NPTN: variants seen among roughly 807,000 people sequenced by gnomAD.
NPTN encodes the protein neuroplastin, also known as SDR-1.
Under a neutral mutation model 42.7 loss-of-function variants are expected in NPTN, and 5 were observed. The observed-to-expected ratio is 0.12, with a 90% CI of 0.06 to 0.25. The LOEUF (loss-of-function observed/expected upper bound fraction) is 0.25, where lower values mean the gene tolerates loss of function less well. NPTN is among the 10% of genes least tolerant of loss of function. The pLI, the probability that NPTN is intolerant of heterozygous loss-of-function variation, is 1.00. For missense variants in NPTN, 307 were observed against 525.4 expected, an observed-to-expected ratio of 0.58 and a Z score of 4.06; for synonymous variants, 180 against 201.9, an observed-to-expected ratio of 0.89 and a Z score of 0.92.
rs1442319250 is a variant in NPTN at position 73,570,473 on chromosome 15, T to C, written c.841-50A>G. 9.0e-6 allele frequency: 14 copies of C among 1,555,170 alleles called. No individual in the cohort carries two copies. The highest frequency in any genetic ancestry group is 5.1e-5 in the Admixed American group (3 of 58,410). On this transcript the variant is annotated intron_variant, in intron 5 of 8. Coordinates refer to ENST00000345330, the MANE Select transcript of NPTN (RefSeq NM_012428.4). The surrounding 1 kb of genome is among the most constrained non-coding windows in gnomAD (Gnocchi z 4.0). ...AGGTGAGAGTGAGTAACTGAGCTAA[T>C]GTTCAAGAGAGGGTGACACTGCTCT...
At chr15:73,613,976 G>A (rs1487679365) in intron 1 of NPTN, among the ~76,000 whole-genome samples, 4 of 152,044 alleles carry the variant, frequency 2.6e-5, no homozygotes, top group Non-Finnish European at 2.9e-5. Context: ...GTGAGCCACC[G>A]TGCCTGGCCT....
At chr15:73,625,177 T>C (rs895886256) in intron 1 of NPTN, among the ~76,000 whole-genome samples, 3 of 152,208 alleles carry the variant, frequency 2.0e-5, no homozygotes, top group African/African-American at 7.2e-5. Context: ...GCCCATGAAT[T>C]GTGAATTCAA....
Position 73,576,396 on chromosome 15 carries a change from T to C in NPTN, c.707-2601A>G, listed in dbSNP as rs1472978006. 4.6e-5 allele frequency among the ~76,000 whole-genome samples: 7 copies of C among 152,302 alleles called. No individual in the cohort carries two copies. In the East Asian group the frequency reaches 9.6e-4, roughly 21 times the overall value. On this transcript the variant is annotated intron_variant, in intron 4 of 8. Transcript: ENST00000345330. ...CAGGCTGGAATGCAGTGGTGTGATC[T>C]TGGTTCACTGCAACCTCCACCTTCC... is the stretch of plus-strand genomic sequence containing the variant.
chr15:73,583,894 C>T (rs1195186448), intron 4 of NPTN, among the ~76,000 whole-genome samples: 1 of 152,170 alleles, frequency 6.6e-6, no homozygotes, highest in Non-Finnish European at 1.5e-5. Context: ...ATCTTCATCC[C>T]CACCACACTG....
chr15:73,613,601 G>A (rs1254458913), intron 1 of NPTN, among the ~76,000 whole-genome samples: 5 of 152,076 alleles, frequency 3.3e-5, no homozygotes, highest in African/African-American at 1.2e-4. Context: ...GTGTCAGCTA[G>A]CAATGATGCT....
In NPTN at chr15:73,569,279, TC is replaced by T; in HGVS notation, c.1114+870del. On this transcript the variant is annotated intron_variant, in intron 6 of 8. Coordinates refer to ENST00000345330, the MANE Select transcript of NPTN (RefSeq NM_012428.4). The surrounding 1 kb of genome is among the most constrained non-coding windows in gnomAD (Gnocchi z 4.1). ...CAGATACAAGTCTCCATCAGCAGCT[TC>T]CCCCTTCACAGGAAAAATCGATCAC... is the stretch of plus-strand genomic sequence containing the variant. The T allele has an allele frequency of 1.0e-6, 1 of 985,490 alleles. No individual in the cohort carries two copies. The highest frequency in any genetic ancestry group is 1.2e-6 in the Non-Finnish European group (1 of 830,000). The allele number at this position is 985,490 out of a possible 1,614,324, so 61.0% of individuals were successfully genotyped here. A position where few individuals can be genotyped will look rare whatever the true frequency, so the allele number is the denominator to read the frequency against.
chr15:73,577,914 G>A (rs1895780768), intron 4 of NPTN, among the ~76,000 whole-genome samples: 1 of 152,114 alleles, frequency 6.6e-6, no homozygotes, highest in South Asian at 2.1e-4. Context: ...TCTGCTCCCT[G>A]AATGCTAGGG....
chr15:73,594,222 G>C (rs1232878209), intron 2 of NPTN, among the ~76,000 whole-genome samples: 1 of 152,190 alleles, frequency 6.6e-6, no homozygotes, highest in African/African-American at 2.4e-5. Context: ...ACTGCACTGA[G>C]AAAGGGTAAA....
chr15:73,592,512 A>G (rs753313079), intron 2 of NPTN, among the ~76,000 whole-genome samples: 1 of 152,200 alleles, frequency 6.6e-6, no homozygotes, highest in Non-Finnish European at 1.5e-5. Flanking sequence ...GACAAAGGCC[A>G]TATCATTTAT....
intron 1 of NPTN, among the ~76,000 whole-genome samples, chr15:73,611,398 CAAAACAAAACAAAACA>C (rs920640093): frequency 6.6e-6 from 1 of 151,640 alleles, no homozygotes; most frequent in African/African-American, 2.4e-5. Flanking sequence ...AATGCAAAAA[CAAAACAAAACAAAACA>C]AAAACAAAAC....
Position 73,632,363 on chromosome 15 carries a change from T to G in NPTN, c.91+762A>C, listed in dbSNP as rs546242452. ...CCATCCTCTGCTCATTTTCCTCTCC[T>G]TATTTAGAAACTCCTTTTTGCTCTC... On this transcript the variant is annotated intron_variant, in intron 1 of 8. Transcript: ENST00000345330. 8.6e-5 allele frequency among the ~76,000 whole-genome samples: 13 copies of G among 150,868 alleles called. 1 individual carries two copies. In the South Asian group the frequency reaches 2.8e-3, roughly 32 times the overall value.
chr15:73,605,888 G>C (rs376969591), intron 1 of NPTN, among the ~76,000 whole-genome samples: 1 of 151,972 alleles, frequency 6.6e-6, no homozygotes, highest in East Asian at 1.9e-4. Flanking sequence ...AGCTCTGCCT[G>C]TATGTTACTT....
Position 73,633,339 on chromosome 15 carries a change from T to C in NPTN, c.-124A>G, listed in dbSNP as rs995622065. Reference sequence around the variant, plus strand: ...AGTGAGCGAGGGAGGCAGCCGCGGCTCGGCTCCGTCCTTCCCCGTCCTCCT... The same window carrying C: ...AGTGAGCGAGGGAGGCAGCCGCGGCCCGGCTCCGTCCTTCCCCGTCCTCCT... On this transcript the variant is annotated 5_prime_UTR_variant, in exon 1 of 9. Coordinates refer to ENST00000345330, the MANE Select transcript of NPTN (RefSeq NM_012428.4). 23 of 678,020 alleles carry C rather than the reference T, an allele frequency of 3.4e-5. No homozygotes were observed. The highest frequency in any genetic ancestry group is 5.2e-5 in the Non-Finnish European group (23 of 442,846). The allele number at this position is 678,020 out of a possible 1,614,324, so 42.0% of individuals were successfully genotyped here. A position where few individuals can be genotyped will look rare whatever the true frequency, so the allele number is the denominator to read the frequency against.
intron 2 of NPTN, among the ~76,000 whole-genome samples, chr15:73,595,674 T>C (rs1202709184): frequency 6.6e-6 from 1 of 152,230 alleles, no homozygotes; most frequent in Non-Finnish European, 1.5e-5. Flanking sequence ...TGGCTATAGA[T>C]CTCTCATTGT....
At chr15:73,598,655 G>T (rs1021841121) in intron 1 of NPTN, among the ~76,000 whole-genome samples, 1 of 152,150 alleles carries the variant, frequency 6.6e-6, no homozygotes, top group African/African-American at 2.4e-5. Context: ...CATTCTGATT[G>T]GCTTGGAAAC....
At chr15:73,600,133 A>G (rs1449150754) in intron 1 of NPTN, among the ~76,000 whole-genome samples, 1 of 152,236 alleles carries the variant, frequency 6.6e-6, no homozygotes, top group Non-Finnish European at 1.5e-5. Context: ...TCACTCAGCC[A>G]GATCATGCCA....
At position 73,633,268 on chromosome 15, in the gene NPTN, G is replaced by T. The variant is rs1321737187; in HGVS notation, c.-53C>A. On this transcript the variant is annotated 5_prime_UTR_variant, in exon 1 of 9. Coordinates refer to ENST00000345330, the MANE Select transcript of NPTN (RefSeq NM_012428.4). ...ATGGGCCGGGGCCAGAGCCGGGGCC[G>T]GGGAAGGGAGGGGAGGGAGGGAGGG... 1.6e-6 allele frequency: 2 copies of T among 1,269,210 alleles called. No homozygotes were observed. The highest frequency in any genetic ancestry group is 1.1e-6 in the Non-Finnish European group (1 of 939,410). The allele number at this position is 1,269,210 out of a possible 1,614,324, so 78.6% of individuals were successfully genotyped here.
chr15:73,596,748 G>A (rs16958046), intron 2 of NPTN, among the ~76,000 whole-genome samples: 2,332 of 152,198 alleles, frequency 0.015, 67 homozygotes, highest in African/African-American at 0.052. Flanking sequence ...GGACAGTCAC[G>A]GATTTCCTCA....
intron 2 of NPTN, among the ~76,000 whole-genome samples, chr15:73,596,454 G>C (rs762388482): frequency 6.6e-6 from 1 of 152,198 alleles, no homozygotes; most frequent in Non-Finnish European, 1.5e-5. Flanking sequence ...TAAAGGAAGA[G>C]GCTGGGCAGA....
Sources: gnomAD v4.1 joint callset for allele counts (sites outside exome capture counted in the v4.1 genomes callset) on GRCh38, gnomAD v4.1.1 for gene constraint, Gnocchi (gnomAD v3.1) non-coding constraint, MANE v1.5 for transcripts, NCBI Gene and HGNC (gene_info 2026-07-23, HGNC 2026-07-21) for gene names.